The following NPAS3 variants were observed in gnomAD, a reference collection of about 807,000 sequenced individuals.
NPAS3 encodes neuronal PAS domain-containing protein 3.
In NPAS3, 14 loss-of-function variants were observed where a neutral mutation model predicts 73.1. The ratio of observed to expected loss-of-function variants is 0.19; its 90% CI spans 0.13 to 0.30. NPAS3 has a LOEUF of 0.30. NPAS3 is among the 10% of genes least tolerant of loss of function. The pLI is 1.00. For missense variants in NPAS3, 1,096 were observed against 1,250.0 expected, an observed-to-expected ratio of 0.88 and a Z score of 1.86; for synonymous variants, 620 against 541.5, an observed-to-expected ratio of 1.14 and a Z score of -2.01.
intron 3 of NPAS3, among the ~76,000 whole-genome samples, chr14:33,294,618 A>T (rs1367781693): frequency 6.6e-6 from 1 of 152,234 alleles, no homozygotes; most frequent in Non-Finnish European, 1.5e-5. Flanking sequence ...TTGTGTGATC[A>T]GCATGTATTT....
chr14:33,136,217 C>G (rs181095720), intron 2 of NPAS3, among the ~76,000 whole-genome samples: 2 of 151,888 alleles, frequency 1.3e-5, no homozygotes, highest in African/African-American at 4.8e-5. Context: ...CACACCACCA[C>G]GCCCAGCTAA....
chr14:33,199,816 A>G (rs920710935), intron 2 of NPAS3, among the ~76,000 whole-genome samples: 6 of 150,840 alleles, frequency 4.0e-5, no homozygotes, highest in African/African-American at 9.8e-5. Context: ...TAGCACTACT[A>G]CTGGCTGTGT....
intron 4 of NPAS3, among the ~76,000 whole-genome samples, chr14:33,439,027 G>T (rs1312463360): frequency 6.6e-6 from 1 of 151,700 alleles, no homozygotes; most frequent in Non-Finnish European, 1.5e-5. Context: ...TTCCACAATT[G>T]TTCAATTTCC....
intron 5 of NPAS3, among the ~76,000 whole-genome samples, chr14:33,628,936 A>C (rs1209183481): frequency 6.6e-6 from 1 of 152,240 alleles, no homozygotes; most frequent in African/African-American, 2.4e-5. Context: ...GTTGATAGAA[A>C]ACCAGGTGGA....
chr14:32,982,142 G>A (rs1381115856), intron 1 of NPAS3, among the ~76,000 whole-genome samples: 4 of 152,168 alleles, frequency 2.6e-5, no homozygotes, highest in Non-Finnish European at 4.4e-5. Flanking sequence ...CAAGGTGCTG[G>A]CATTTCATGA....
intron 2 of NPAS3, among the ~76,000 whole-genome samples, chr14:33,198,201 A>T (rs972169052): frequency 6.6e-6 from 1 of 152,172 alleles, no homozygotes; most frequent in African/African-American, 2.4e-5. Flanking sequence ...CAACAGCAAG[A>T]GTTATTGCAA....
chr14:33,028,511 T>G (rs1239650057), intron 1 of NPAS3, among the ~76,000 whole-genome samples: 1 of 152,232 alleles, frequency 6.6e-6, no homozygotes, highest in Non-Finnish European at 1.5e-5. Context: ...ACTATTTTTC[T>G]TTTCATGCTG....
At chr14:33,669,131 G>GACATCTTTCTTACTATTC (rs1253489810) in intron 5 of NPAS3, among the ~76,000 whole-genome samples, 1 of 109,808 alleles carries the variant, frequency 9.1e-6, no homozygotes, top group Non-Finnish European at 2.2e-5. Context: ...CTTTGAAAGT[G>GACATCTTTCTTACTATTC]ACATCTTTCT....
At chr14:33,071,683 A>G (rs546965328) in intron 2 of NPAS3, among the ~76,000 whole-genome samples, 1 of 152,312 alleles carries the variant, frequency 6.6e-6, no homozygotes, top group African/African-American at 2.4e-5. Context: ...ATCTATATCC[A>G]GTGTGCTGGA....
chr14:33,583,110 A>G (rs2056740420), intron 5 of NPAS3, among the ~76,000 whole-genome samples: 1 of 151,432 alleles, frequency 6.6e-6, no homozygotes, highest in Non-Finnish European at 1.5e-5. Context: ...GAGGAAAGTG[A>G]ATAATTGTTC....
chr14:33,241,512 A>T (rs74714567), intron 3 of NPAS3, among the ~76,000 whole-genome samples: 2,075 of 152,074 alleles, frequency 0.014, 36 homozygotes, highest in African/African-American at 0.046. Flanking sequence ...TGACGGAATG[A>T]AATGGAGCCC....
intron 1 of NPAS3, among the ~76,000 whole-genome samples, chr14:32,945,626 A>G (rs1228534017): frequency 2.0e-5 from 3 of 152,200 alleles, no homozygotes; most frequent in African/African-American, 7.2e-5. Flanking sequence ...CTGCGTTTTC[A>G]GACTTTCCAA....
chr14:33,100,244 A>G (rs1157488659), intron 2 of NPAS3, among the ~76,000 whole-genome samples: 1 of 152,162 alleles, frequency 6.6e-6, no homozygotes, highest in Admixed American at 6.6e-5. Flanking sequence ...ATGGGAAGGT[A>G]GGTTTTTCTT....
chr14:33,762,557 T>C (rs1397334582), intron 7 of NPAS3, among the ~76,000 whole-genome samples: 1 of 152,170 alleles, frequency 6.6e-6, no homozygotes, highest in African/African-American at 2.4e-5. Flanking sequence ...TGTGCATCTT[T>C]GTTTGGGGGC....
intron 2 of NPAS3, among the ~76,000 whole-genome samples, chr14:33,202,079 A>T (rs2046640074): frequency 6.6e-6 from 1 of 152,132 alleles, no homozygotes; most frequent in Non-Finnish European, 1.5e-5. Flanking sequence ...TTTTTATGTT[A>T]CATATTTTAA....
intron 2 of NPAS3, among the ~76,000 whole-genome samples, chr14:33,206,945 C>T (rs547878914): frequency 6.6e-6 from 1 of 152,220 alleles, no homozygotes; most frequent in South Asian, 2.1e-4. Context: ...ACTTTCCTCT[C>T]AATGTGTGCT....
chr14:33,231,125 C>G (rs1408457961), intron 3 of NPAS3, among the ~76,000 whole-genome samples: 1 of 152,136 alleles, frequency 6.6e-6, no homozygotes, highest in Non-Finnish European at 1.5e-5. Context: ...GCAAGCTTGC[C>G]AGTGCAGGGT....
chr14:33,774,513 C>A (rs772737921), exon 8 of NPAS3: 4 of 1,613,556 alleles, frequency 2.5e-6, no homozygotes, highest in African/African-American at 1.3e-5. Context: ...ACCTCAATAT[C>A]ATTTACTGTG....
rs151260700 is a variant in NPAS3 at position 33,798,354 on chromosome 14, G to A, written c.1426+773G>A. 1.5e-4 allele frequency among the ~76,000 whole-genome samples: 23 copies of A among 152,170 alleles called. No individual in the cohort carries two copies. The East Asian group carries it at 4.3e-3, about 28-fold the overall frequency. On this transcript the variant is annotated intron_variant, in intron 11 of 11. Transcript: ENST00000356141. Reference sequence around the variant, plus strand: ...CTTCCAGAGACACACATAAGGCCAGGGAGCACTAAACTTGTAGGATTTTTA... The same window carrying A: ...CTTCCAGAGACACACATAAGGCCAGAGAGCACTAAACTTGTAGGATTTTTA...
Sources: allele counts gnomAD v4.1 joint callset (sites outside exome capture counted in the v4.1 genomes callset), GRCh38; gene constraint gnomAD v4.1.1; transcripts MANE v1.5; gene names NCBI Gene and HGNC (gene_info 2026-07-23, HGNC 2026-07-21).